LEMD3: variants seen among roughly 807,000 people sequenced by gnomAD.
The protein encoded by LEMD3 is LEM domain containing 3.
Under a neutral mutation model 95.2 loss-of-function variants are expected in LEMD3, and 33 were observed. The observed-to-expected ratio is 0.35, with a 90% CI of 0.26 to 0.46. The LOEUF (loss-of-function observed/expected upper bound fraction) is 0.46. Ranked by LOEUF, LEMD3 falls within the 20% of genes least tolerant of loss-of-function variation. The pLI is 1.00. For synonymous variants in LEMD3, 525 were observed against 474.6 expected (o/e 1.11, Z -1.38); for missense variants, 1,210 against 1,192.8 (o/e 1.01, Z -0.21).
chr12:65,245,862 G>T lies in LEMD3; in HGVS notation c.2495G>T (p.Gly832Val). Residue 832 changes from glycine (G) to valine (V), a missense_variant and splice_region_variant, in exon 12 of 13, where the codon GGT (glycine) becomes GTT (valine). Physicochemically the swap from Gly to Val is moderately radical, Grantham distance 109. Coordinates refer to ENST00000308330, the MANE Select transcript of LEMD3 (RefSeq NM_014319.5). Reference sequence around the variant, plus strand: ...TTTCTTTCTTTTTTAATATCACAGGGTTGTGTATATGTTAAATGTCTGTCT... The same window carrying T: ...TTTCTTTCTTTTTTAATATCACAGGTTTGTGTATATGTTAAATGTCTGTCT... ...HIAVDKNSRE[G>V]CVYVKCLSPE... 1 of 1,610,122 alleles carries T rather than the reference G, an allele frequency of 6.2e-7. No individual in the cohort carries two copies. The highest frequency in any genetic ancestry group is 2.2e-5 in the East Asian group (1 of 44,776).
intron 1 of LEMD3, among the ~76,000 whole-genome samples, chr12:65,183,968 G>A (rs545287288): frequency 6.6e-5 from 10 of 152,166 alleles, no homozygotes; most frequent in Admixed American, 4.6e-4. Context: ...GGACCGTGGC[G>A]GCAGATAAGG....
chr12:65,212,394 G>A lies in LEMD3; in HGVS notation c.1560+1431G>A, dbSNP rs535927979. On this transcript the variant is annotated intron_variant, in intron 2 of 12. Transcript: ENST00000308330. ...AGTTTAAAATATCCTTGAAGAGTCCGGGCGTGGTGGCAGGCGCCTGTAGTC... is the reference window on the plus strand; with the variant it reads ...AGTTTAAAATATCCTTGAAGAGTCCAGGCGTGGTGGCAGGCGCCTGTAGTC... Among the ~76,000 whole-genome samples the A allele has an allele frequency of 3.5e-3, 539 of 152,084 alleles. 3 individuals are homozygous for A. The highest frequency in any genetic ancestry group is 0.012 in the African/African-American group (509 of 41,478).
At chr12:65,174,336 A>G (rs1180682188) in intron 1 of LEMD3, among the ~76,000 whole-genome samples, 1 of 152,192 alleles carries the variant, frequency 6.6e-6, no homozygotes, top group Non-Finnish European at 1.5e-5. Flanking sequence ...CTGCCATACC[A>G]AAACAACTCA....
chr12:65,194,800 C>T (rs1420225467), intron 1 of LEMD3, among the ~76,000 whole-genome samples: 1 of 4,298 alleles, frequency 2.3e-4, no homozygotes, highest in African/African-American at 1.9e-3. Context: ...AGTATTTAAA[C>T]TATTATCTTA....
chr12:65,210,073 T>G (rs1869891175), intron 1 of LEMD3, among the ~76,000 whole-genome samples: 1 of 152,062 alleles, frequency 6.6e-6, no homozygotes, highest in South Asian at 2.1e-4. Flanking sequence ...ATAAAAACCC[T>G]GAGAGGTGCT....
chr12:65,190,421 C>T (rs1224634668), intron 1 of LEMD3, among the ~76,000 whole-genome samples: 4 of 152,156 alleles, frequency 2.6e-5, no homozygotes, highest in Non-Finnish European at 4.4e-5. Context: ...GAAACATATA[C>T]AGTCTATTCT....
chr12:65,202,852 T>C (rs1869647914), intron 1 of LEMD3, among the ~76,000 whole-genome samples: 1 of 152,152 alleles, frequency 6.6e-6, no homozygotes. Flanking sequence ...GTTCACAGTA[T>C]TCTTTTGTTA....
At chr12:65,232,022 A>G (rs893484514) in intron 4 of LEMD3, among the ~76,000 whole-genome samples, 10 of 152,106 alleles carry the variant, frequency 6.6e-5, no homozygotes, top group Admixed American at 6.5e-4. Flanking sequence ...TGCATATAGT[A>G]TTTAATTTTC....
At chr12:65,218,126 G>A (rs1017998666) in intron 3 of LEMD3, among the ~76,000 whole-genome samples, 4 of 152,198 alleles carry the variant, frequency 2.6e-5, no homozygotes, top group African/African-American at 9.6e-5. Flanking sequence ...AGATGTGTAA[G>A]TTAAGTTAGC....
chr12:65,187,558 T>C (rs1869104798), intron 1 of LEMD3, among the ~76,000 whole-genome samples: 1 of 152,028 alleles, frequency 6.6e-6, no homozygotes, highest in African/African-American at 2.4e-5. Flanking sequence ...TTTCATGTAT[T>C]TGTTTTTTAA....
At chr12:65,232,597 T>C (rs1870662309) in intron 4 of LEMD3, among the ~76,000 whole-genome samples, 1 of 152,182 alleles carries the variant, frequency 6.6e-6, no homozygotes, top group Non-Finnish European at 1.5e-5. Context: ...ATTTAAACAC[T>C]ATTTTTCTAA....
intron 1 of LEMD3, among the ~76,000 whole-genome samples, chr12:65,183,635 G>A (rs1868972913): frequency 6.6e-6 from 1 of 152,174 alleles, no homozygotes; most frequent in Non-Finnish European, 1.5e-5. Flanking sequence ...AGGATTTAAA[G>A]CTAAATCTGA....
intron 4 of LEMD3, among the ~76,000 whole-genome samples, chr12:65,228,761 A>G (rs1029282681): frequency 6.6e-6 from 1 of 152,200 alleles, no homozygotes; most frequent in Non-Finnish European, 1.5e-5. Flanking sequence ...ATTTTGATAC[A>G]TGTATACAAT....
chr12:65,207,627 T>C (rs1869803779), intron 1 of LEMD3, among the ~76,000 whole-genome samples: 1 of 152,148 alleles, frequency 6.6e-6, no homozygotes, highest in Admixed American at 6.6e-5. Context: ...AGTGGTTCCA[T>C]GTATACAGAA....
At chr12:65,215,915 GAATT>G in intron 2 of LEMD3, 58 bp from the exon 3 acceptor site, 1 of 603,978 alleles carries the variant, frequency 1.7e-6, no homozygotes, top group Non-Finnish European at 2.9e-6. Flanking sequence ...TTTTGATTAA[GAATT>G]ATTTGGTGTT....
chr12:65,195,759 C>T (rs1487478613), intron 1 of LEMD3, among the ~76,000 whole-genome samples: 1 of 152,176 alleles, frequency 6.6e-6, no homozygotes, highest in East Asian at 1.9e-4. Context: ...AAGTCATTGC[C>T]TTCTCCATTC....
chr12:65,238,357 TCA>T, intron 4 of LEMD3, 143 bp from the exon 5 acceptor site: 2 of 619,934 alleles, frequency 3.2e-6, no homozygotes, highest in Non-Finnish European at 5.6e-6. Context: ...TTCTTTTTTC[TCA>T]TTCTTTTTAA....
intron 1 of LEMD3, among the ~76,000 whole-genome samples, chr12:65,173,306 A>G (rs919354039): frequency 6.6e-6 from 1 of 152,222 alleles, no homozygotes; most frequent in Non-Finnish European, 1.5e-5. Context: ...GTTAAGATGA[A>G]TGACTAATGT....
At chr12:65,202,019 T>TG (rs1869616008) in intron 1 of LEMD3, among the ~76,000 whole-genome samples, 1 of 151,812 alleles carries the variant, frequency 6.6e-6, no homozygotes, top group Non-Finnish European at 1.5e-5. Context: ...AACTTTTTTT[T>TG]TTTTTTTTTG....
Sources: gnomAD v4.1 joint callset for allele counts (sites outside exome capture counted in the v4.1 genomes callset) on GRCh38, gnomAD v4.1.1 for gene constraint, MANE v1.5 for transcripts, NCBI Gene and HGNC (gene_info 2026-07-23, HGNC 2026-07-21) for gene names.